The following INPP5B variants were observed in gnomAD, a reference collection of about 807,000 sequenced individuals.
INPP5B encodes the protein type II inositol 1,4,5-trisphosphate 5-phosphatase.
In INPP5B, 90 loss-of-function variants were observed where a neutral mutation model predicts 118.5. The observed-to-expected ratio is 0.76, with a 90% confidence interval of 0.64 to 0.90. The LOEUF (loss-of-function observed/expected upper bound fraction) is 0.90, where lower values mean the gene tolerates loss of function less well. INPP5B is among the 40% of genes least tolerant of loss of function. INPP5B has a pLI of 0.00. For synonymous variants in INPP5B, 385 were observed against 418.9 expected (o/e 0.92, Z 0.99); for missense variants, 984 against 1,125.6 (o/e 0.87, Z 1.80).
chr1:37,893,190 T>A (rs555343992), intron 7 of INPP5B, among the ~76,000 whole-genome samples: 1 of 142,756 alleles, frequency 7.0e-6, no homozygotes, highest in African/African-American at 2.6e-5. Flanking sequence ...CATGTGATCC[T>A]CCCACCTCAG....
In INPP5B at chr1:37,916,577, C is replaced by T. The variant is rs201749047; in HGVS notation, c.532+15336G>A. The stretch of plus-strand genomic sequence containing the variant: ...GATTACAGGCATGCGCCACTACGCC[C>T]GGCTAATTTTGTATTTTTAGTAGAG... On this transcript the variant is annotated intron_variant, in intron 7 of 23. Coordinates refer to ENST00000373024, the MANE Select transcript of INPP5B (RefSeq NM_005540.3). 1.8e-3 allele frequency among the ~76,000 whole-genome samples: 267 copies of T among 151,786 alleles called. 1 individual carries two copies. The highest frequency in any genetic ancestry group is 4.9e-3 in the African/African-American group (202 of 41,364).
At chr1:37,882,499 T>G (rs1643266330) in intron 14 of INPP5B, among the ~76,000 whole-genome samples, 1 of 152,156 alleles carries the variant, frequency 6.6e-6, no homozygotes, top group Admixed American at 6.5e-5. Context: ...ACCAAGTCCT[T>G]TCTTTATAGA....
At chr1:37,868,880 C>T (rs2148453470) in intron 19 of INPP5B, among the ~76,000 whole-genome samples, 1 of 152,336 alleles carries the variant, frequency 6.6e-6, no homozygotes, top group Middle Eastern at 3.4e-3. Flanking sequence ...TATAGCATTT[C>T]ACTATTAGAA....
chr1:37,936,543 C>T (rs902365437), intron 6 of INPP5B, among the ~76,000 whole-genome samples: 5 of 151,866 alleles, frequency 3.3e-5, no homozygotes, highest in African/African-American at 1.2e-4. Context: ...ATCGCTTGAA[C>T]CCGGGAGGTG....
intron 14 of INPP5B, among the ~76,000 whole-genome samples, chr1:37,882,004 C>A (rs567776551): frequency 1.3e-5 from 2 of 151,400 alleles, no homozygotes; most frequent in African/African-American, 4.8e-5. Context: ...GAGGTTGAGG[C>A]AGGAGAATTG....
chr1:37,938,633 T>C (rs1645795650), intron 6 of INPP5B, among the ~76,000 whole-genome samples: 1 of 152,232 alleles, frequency 6.6e-6, no homozygotes, highest in Non-Finnish European at 1.5e-5. Context: ...AGGGGCTGTA[T>C]AGCTTCAAAG....
chr1:37,942,619 A>G (rs1212800691), intron 5 of INPP5B, among the ~76,000 whole-genome samples: 2 of 151,764 alleles, frequency 1.3e-5, no homozygotes, highest in Non-Finnish European at 2.9e-5. Flanking sequence ...AAAAATAAGA[A>G]AAAGGCAAGC....
intron 14 of INPP5B, 117 bp downstream of exon 14, chr1:37,882,690 A>G: frequency 2.9e-6 from 2 of 687,586 alleles, no homozygotes; most frequent in Non-Finnish European, 5.1e-6. Flanking sequence ...AACATCAGGA[A>G]CTCAGGGAAA....
At chr1:37,889,473 T>G (rs1357860206) in intron 9 of INPP5B, 84 bp downstream of exon 9, 34 of 1,020,480 alleles carry the variant, frequency 3.3e-5, no homozygotes, top group Non-Finnish European at 5.0e-5. Context: ...TGTCTCCAAA[T>G]CCAGGTATAG....
intron 9 of INPP5B, 88 bp downstream of exon 9, chr1:37,889,469 C>T: frequency 1.0e-6 from 1 of 998,872 alleles, no homozygotes; most frequent in Non-Finnish European, 1.5e-6. Context: ...AGTATGTCTC[C>T]AAATCCAGGT....
At chr1:37,939,162 G>A (rs1225599330) in intron 6 of INPP5B, among the ~76,000 whole-genome samples, 9 of 139,920 alleles carry the variant, frequency 6.4e-5, no homozygotes, top group African/African-American at 2.2e-4. Context: ...CCACCACACT[G>A]CAGCCTGGGC....
intron 7 of INPP5B, among the ~76,000 whole-genome samples, chr1:37,913,937 C>T (rs1644783706): frequency 6.6e-6 from 1 of 152,100 alleles, no homozygotes; most frequent in South Asian, 2.1e-4. Context: ...TCCTGCCCCA[C>T]CCTAACTGAT....
chr1:37,918,857 C>T (rs941072894), intron 7 of INPP5B, among the ~76,000 whole-genome samples: 3 of 152,204 alleles, frequency 2.0e-5, no homozygotes, highest in African/African-American at 7.2e-5. Flanking sequence ...TCCATCACTC[C>T]TAATCCCCCA....
chr1:37,902,638 A>G (rs574769010), intron 7 of INPP5B, among the ~76,000 whole-genome samples: 18 of 151,768 alleles, frequency 1.2e-4, no homozygotes, highest in Non-Finnish European at 2.1e-4. Context: ...GCTCACTGCA[A>G]CCTCCACCTC....
intron 7 of INPP5B, among the ~76,000 whole-genome samples, chr1:37,892,660 A>C (rs1643881458): frequency 1.3e-5 from 2 of 152,254 alleles, no homozygotes; most frequent in African/African-American, 2.4e-5. Flanking sequence ...GAAAAAAGAA[A>C]GCATAATCAT....
rs201441741 is a variant in INPP5B, at chr1:37,882,845, C to T, written c.1393G>A (p.Glu465Lys). 5.5e-5 allele frequency: 88 copies of T among 1,614,014 alleles called. No individual in the cohort carries two copies. The highest frequency in any genetic ancestry group is 6.4e-5 in the Non-Finnish European group (76 of 1,180,028). Residue 465 changes from glutamate to lysine, a missense_variant, in exon 14 of 24, where the codon GAA becomes AAA. Physicochemically the swap from Glu to Lys is moderately conservative, Grantham distance 56 (BLOSUM62 1). Transcript: ENST00000373024. ...LDVEKVKKLI[E>K]EKDFQMLYAY... ...TACAGCATTTGAAAGTCCTTCTCTT[C>T]GATGAGCTTTTTCACTTTTTCCACA...
At chr1:37,882,637 T>A (rs969873410) in intron 14 of INPP5B, among the ~76,000 whole-genome samples, 170 bp downstream of exon 14, 1 of 151,886 alleles carries the variant, frequency 6.6e-6, no homozygotes, top group Non-Finnish European at 1.5e-5. Flanking sequence ...GGGAGACAAC[T>A]ATGGAAGAGG....
chr1:37,938,270 A>AAAATAAAT (rs71057106), intron 6 of INPP5B, among the ~76,000 whole-genome samples: 26,318 of 118,642 alleles, frequency 0.22, 2,726 homozygotes, highest in East Asian at 0.43. Flanking sequence ...CTCTGTCTCA[A>AAAATAAAT]AAATAAATAA....
At chr1:37,934,423 G>A (rs1157178557) in intron 6 of INPP5B, among the ~76,000 whole-genome samples, 1 of 152,166 alleles carries the variant, frequency 6.6e-6, no homozygotes, top group Non-Finnish European at 1.5e-5. Flanking sequence ...ATTAATGTTA[G>A]CTAACTGTGA....
Sources: allele counts gnomAD v4.1 joint callset (sites outside exome capture counted in the v4.1 genomes callset), GRCh38; gene constraint gnomAD v4.1.1; transcripts MANE v1.5; gene names NCBI Gene and HGNC (gene_info 2026-07-23, HGNC 2026-07-21).